The following ZNF704 variants were observed in gnomAD, a reference collection of about 807,000 sequenced individuals.
ZNF704 encodes glucocorticoid induced gene 1.
Under a neutral mutation model 44.7 loss-of-function variants are expected in ZNF704, and 10 were observed. The observed-to-expected ratio is 0.22, with a 90% confidence interval of 0.14 to 0.38. ZNF704 has a LOEUF of 0.38. Ranked by LOEUF, ZNF704 falls within the 10% of genes least tolerant of loss-of-function variation. ZNF704 has a pLI of 1.00. For missense variants in ZNF704, 390 were observed against 545.5 expected (o/e 0.71, Z 2.84); for synonymous variants, 211 against 207.6 (o/e 1.02, Z -0.14).
chr8:80,844,566 C>T (rs1808736745), intron 1 of ZNF704, among the ~76,000 whole-genome samples: 1 of 152,122 alleles, frequency 6.6e-6, no homozygotes, highest in Admixed American at 6.6e-5. Flanking sequence ...TGCTTCCCTA[C>T]CACAACAACC....
chr8:80,853,130 C>G (rs566539548), intron 1 of ZNF704, among the ~76,000 whole-genome samples: 21 of 152,302 alleles, frequency 1.4e-4, no homozygotes, highest in African/African-American at 5.1e-4. Context: ...CGTTGGGAAG[C>G]TGAGGCAGGA....
intron 8 of ZNF704, 75 bp from the exon 9 acceptor site, chr8:80,641,552 T>G (rs1817743761): frequency 3.5e-6 from 3 of 848,714 alleles, no homozygotes; most frequent in Non-Finnish European, 3.4e-6. Flanking sequence ...CAAAAATCCC[T>G]TGCAAGAGTG....
intron 2 of ZNF704, among the ~76,000 whole-genome samples, chr8:80,768,394 A>C (rs1409812955): frequency 6.6e-6 from 1 of 152,192 alleles, no homozygotes; most frequent in Non-Finnish European, 1.5e-5. Context: ...TTCCACCATG[A>C]GTTGGACACT....
chr8:80,702,755 T>A (rs926242750), intron 2 of ZNF704, among the ~76,000 whole-genome samples: 4 of 151,834 alleles, frequency 2.6e-5, no homozygotes, highest in African/African-American at 9.7e-5. Flanking sequence ...GTAGAAAAAT[T>A]CTGAGAGATG....
intron 1 of ZNF704, among the ~76,000 whole-genome samples, chr8:80,849,891 A>T (rs1808829163): frequency 6.6e-6 from 1 of 152,180 alleles, no homozygotes; most frequent in Admixed American, 6.5e-5. Flanking sequence ...ATGTGTTTTT[A>T]CTGGAATTCA....
intron 1 of ZNF704, among the ~76,000 whole-genome samples, chr8:80,839,991 T>C (rs1004376534): frequency 3.9e-5 from 6 of 152,242 alleles, no homozygotes; most frequent in Admixed American, 6.5e-5. Flanking sequence ...TCAGAAACTA[T>C]TTAGAGGCAG....
chr8:80,707,552 T>C (rs965196145), intron 2 of ZNF704, among the ~76,000 whole-genome samples: 1 of 152,230 alleles, frequency 6.6e-6, no homozygotes, highest in Non-Finnish European at 1.5e-5. Context: ...ACACCTGTTC[T>C]GTGTTATTAG....
At chr8:80,704,824 C>A (rs1215047914) in intron 2 of ZNF704, among the ~76,000 whole-genome samples, 2 of 152,276 alleles carry the variant, frequency 1.3e-5, no homozygotes, top group East Asian at 3.9e-4. Flanking sequence ...TTTATAATAA[C>A]CTTCATAATA....
At chr8:80,806,054 G>GAT (rs1302178497) in intron 2 of ZNF704, among the ~76,000 whole-genome samples, 1 of 152,186 alleles carries the variant, frequency 6.6e-6, no homozygotes, top group African/African-American at 2.4e-5. Flanking sequence ...TGTTTCATAG[G>GAT]ATGGAGCAGA....
intron 2 of ZNF704, among the ~76,000 whole-genome samples, chr8:80,794,771 T>TA (rs1299994157): frequency 2.6e-5 from 4 of 152,194 alleles, no homozygotes; most frequent in Admixed American, 2.6e-4. Flanking sequence ...CCATTCTGAA[T>TA]AAGTGAACCA....
At chr8:80,868,171 T>C (rs965295232) in intron 1 of ZNF704, among the ~76,000 whole-genome samples, 5 of 152,208 alleles carry the variant, frequency 3.3e-5, no homozygotes, top group Admixed American at 1.3e-4. Context: ...TTCTGGTTTT[T>C]TGGTAATGTT....
intron 1 of ZNF704, among the ~76,000 whole-genome samples, chr8:80,840,151 T>C (rs1363993092): frequency 6.6e-6 from 1 of 152,154 alleles, no homozygotes; most frequent in Non-Finnish European, 1.5e-5. Context: ...GAAAAAAAGA[T>C]CTGTAAAATC....
Position 80,639,092 on chromosome 8 carries a change from G to A in ZNF704, c.*2274C>T, listed in dbSNP as rs189202872. On this transcript the variant is annotated 3_prime_UTR_variant, in exon 9 of 9. Transcript: ENST00000327835. ...GATCTCTCCCTCCTTGTGTTTCAAA[G>A]TTCTGGGATGGGGGATGGATTTTAT... The A allele has an allele frequency of 2.0e-5, 3 of 152,408 alleles. No homozygotes were observed. Among genetic ancestry groups the A allele is most frequent in the African/African-American group, 4.8e-5 (2 of 41,582 alleles). The allele number at this position is 152,408 out of a possible 1,614,324, so 9.4% of individuals were successfully genotyped here. A position where few individuals can be genotyped will look rare whatever the true frequency, so the allele number is the denominator to read the frequency against.
chr8:80,756,583 A>G (rs1302163861), intron 2 of ZNF704, among the ~76,000 whole-genome samples: 1 of 152,214 alleles, frequency 6.6e-6, no homozygotes, highest in Non-Finnish European at 1.5e-5. Flanking sequence ...TCTAGTTGTC[A>G]CAATACCTAT....
chr8:80,706,217 C>A (rs1432922542), intron 2 of ZNF704, among the ~76,000 whole-genome samples: 8 of 152,150 alleles, frequency 5.3e-5, no homozygotes, highest in Admixed American at 5.2e-4. Flanking sequence ...TCCACTTAAG[C>A]CCCAATAATG....
At chr8:80,802,335 T>C (rs969702044) in intron 2 of ZNF704, among the ~76,000 whole-genome samples, 1 of 152,136 alleles carries the variant, frequency 6.6e-6, no homozygotes, top group African/African-American at 2.4e-5. Context: ...ACTCATTCTA[T>C]GAGGCCAGCA....
intron 1 of ZNF704, among the ~76,000 whole-genome samples, chr8:80,833,066 G>A (rs1410767069): frequency 6.6e-6 from 1 of 152,100 alleles, no homozygotes; most frequent in African/African-American, 2.4e-5. Context: ...TATTACTGCT[G>A]GCCAGGCGCG....
intron 1 of ZNF704, among the ~76,000 whole-genome samples, chr8:80,825,931 C>G (rs1334411357): frequency 1.3e-5 from 2 of 152,046 alleles, no homozygotes; most frequent in Non-Finnish European, 2.9e-5. Context: ...AAAGCAGTGT[C>G]TGGAGGGAAA....
At chr8:80,662,525 A>G (rs980544230) in intron 6 of ZNF704, among the ~76,000 whole-genome samples, 3 of 152,226 alleles carry the variant, frequency 2.0e-5, no homozygotes, top group African/African-American at 7.2e-5. Context: ...CCAACATAAT[A>G]AGAGTCAGGA....
Sources: allele counts gnomAD v4.1 joint callset (sites outside exome capture counted in the v4.1 genomes callset), GRCh38; gene constraint gnomAD v4.1.1; transcripts MANE v1.5; gene names NCBI Gene and HGNC (gene_info 2026-07-23, HGNC 2026-07-21).